The following OR51B5 variants were observed in gnomAD, a reference collection of about 807,000 sequenced individuals.
OR51B5 encodes the protein olfactory receptor family 51 subfamily B member 5, also known as olfactory receptor 51B5.
For synonymous variants in OR51B5, 186 were observed against 144.8 expected (o/e 1.28, Z -2.04); for missense variants, 456 against 374.6 (o/e 1.22, Z -1.79).
chr11:5,505,409 C>T (rs1298966920), intron 1 of OR51B5: 1 of 1,304,174 alleles, frequency 7.7e-7, no homozygotes. Flanking sequence ...CCTAGCACCA[C>T]CATAAACAAT....
rs952985027 is a variant in OR51B5 at position 5,379,483 on chromosome 11, A to T, written n.85-32573T>A. Among the ~76,000 whole-genome samples, 337 of 151,852 alleles carry T rather than the reference A, an allele frequency of 2.2e-3. 1 individual carries two copies. Among genetic ancestry groups the T allele is most frequent in the Non-Finnish European group, 2.6e-4 (18 of 67,958 alleles). On this transcript the variant is annotated intron_variant and non_coding_transcript_variant, in intron 1 of 4. Coordinates refer to the OR51B5 transcript ENST00000415970. ...AATAATAATAATAAATAAAATAAAT[A>T]AAAAAATAAAAAATAAAGTTCCAGT...
At chr11:5,341,512 T>TTAAAG (rs1470677149), downstream of OR51B5, 1 of 152,212 alleles carries the variant, frequency 6.6e-6, no homozygotes, top group Non-Finnish European at 1.5e-5. Context: ...TTTGCTCTGA[T>TTAAAG]TAAAGTATAA....
At chr11:5,393,533 C>T (rs998396674) in intron 1 of OR51B5, among the ~76,000 whole-genome samples, 10 of 151,902 alleles carry the variant, frequency 6.6e-5, no homozygotes, top group Non-Finnish European at 7.4e-5. Context: ...GAAGACATTT[C>T]GGTTTTATAA....
At chr11:5,367,259 G>T (rs972919678) in intron 1 of OR51B5, among the ~76,000 whole-genome samples, 1 of 152,156 alleles carries the variant, frequency 6.6e-6, no homozygotes, top group South Asian at 2.1e-4. Flanking sequence ...CCTAAGAGAG[G>T]GTTCTTGGAT....
chr11:5,417,087 T>C (rs1018003680), intron 1 of OR51B5, among the ~76,000 whole-genome samples: 5 of 151,476 alleles, frequency 3.3e-5, no homozygotes, highest in African/African-American at 7.3e-5. Flanking sequence ...GAGATATAGA[T>C]CAATGGAACA....
intron 1 of OR51B5, among the ~76,000 whole-genome samples, chr11:5,465,205 CAAA>C (rs34459420): frequency 1.3e-4 from 6 of 45,414 alleles, no homozygotes; most frequent in South Asian, 1.6e-3. Flanking sequence ...GACTCCGTCT[CAAA>C]AAAAAAAAAA....
In OR51B5 at chr11:5,440,902, T is replaced by C; in HGVS notation, n.84+64667A>G. On this transcript the variant is annotated intron_variant and non_coding_transcript_variant, in intron 1 of 4. Transcript: ENST00000415970. ...GAGTCCATACCATAGGTAAAAATGA[T>C]CACCAAGAGCCCATAAATGTTGTTA... 1 of 1,613,722 alleles carries C rather than the reference T, an allele frequency of 6.2e-7. No individual in the cohort carries two copies. The highest frequency in any genetic ancestry group is 1.1e-5 in the South Asian group (1 of 91,044).
chr11:5,366,385 T>C (rs1252129352), intron 1 of OR51B5, among the ~76,000 whole-genome samples: 1 of 151,982 alleles, frequency 6.6e-6, no homozygotes, highest in Non-Finnish European at 1.5e-5. Context: ...GGCAGGAGGA[T>C]CACCTGAGGG....
chr11:5,376,552 T>C (rs578113800), intron 1 of OR51B5, among the ~76,000 whole-genome samples: 2 of 151,844 alleles, frequency 1.3e-5, no homozygotes, highest in Non-Finnish European at 2.9e-5. Flanking sequence ...TCAACAAAAC[T>C]GATAGACCGC....
At chr11:5,441,177 T>A (rs766969914) in intron 1 of OR51B5, 3 of 1,613,800 alleles carry the variant, frequency 1.9e-6, no homozygotes, top group East Asian at 4.5e-5. Context: ...TATGCCTGAC[T>A]CCATGAAGGA....
At position 5,390,210 on chromosome 11, in the gene OR51B5, C is replaced by G. The variant is rs779620491; in HGVS notation, n.85-43300G>C. 9 of 1,613,986 alleles carry G rather than the reference C, an allele frequency of 5.6e-6. No homozygotes were observed. Among genetic ancestry groups the G allele is most frequent in the Non-Finnish European group, 7.6e-6 (9 of 1,179,884 alleles). On this transcript the variant is annotated intron_variant and non_coding_transcript_variant, in intron 1 of 4. Transcript: ENST00000415970. Reference sequence around the variant, plus strand: ...TTCTTTGTGCCCATGATGGGGCTGTCCCTGGTGCACCGTTTTGGGAAGCAT... The same window carrying G: ...TTCTTTGTGCCCATGATGGGGCTGTGCCTGGTGCACCGTTTTGGGAAGCAT...
chr11:5,473,213 T>C (rs78189724), intron 1 of OR51B5, among the ~76,000 whole-genome samples: 2,127 of 152,326 alleles, frequency 0.014, 54 homozygotes, highest in African/African-American at 0.049. Context: ...ATTTTTTATA[T>C]GCCAGAAAAA....
At chr11:5,444,813 C>T (rs2133233) in intron 1 of OR51B5, among the ~76,000 whole-genome samples, 4,454 of 152,152 alleles carry the variant, frequency 0.029, 174 homozygotes, top group African/African-American at 0.096. Context: ...AAGAGAATTG[C>T]TCCCAGGAGA....
intron 1 of OR51B5, among the ~76,000 whole-genome samples, chr11:5,386,496 G>A (rs1393843491): frequency 6.6e-6 from 1 of 152,196 alleles, no homozygotes; most frequent in Non-Finnish European, 1.5e-5. Flanking sequence ...GCTTTTCACA[G>A]CATCTAAATC....
chr11:5,440,422 C>T lies in OR51B5; in HGVS notation n.84+65147G>A, dbSNP rs1256947212. ...CATAAGTATTGAATAAATATGTATG[C>T]CATTTTATAGTCAAATATTATTTTA... On this transcript the variant is annotated intron_variant and non_coding_transcript_variant, in intron 1 of 4. Transcript: ENST00000415970. The T allele has an allele frequency of 1.4e-5, 8 of 589,668 alleles. No individual in the cohort carries two copies. In the South Asian group the frequency reaches 1.4e-4, roughly 10 times the overall value. 36.5% of individuals were successfully genotyped at this position (589,668 alleles called of 1,614,324 possible). A position where few individuals can be genotyped will look rare whatever the true frequency, so the allele number is the denominator to read the frequency against.
At chr11:5,393,977 G>C (rs1321408863) in intron 1 of OR51B5, among the ~76,000 whole-genome samples, 1 of 152,030 alleles carries the variant, frequency 6.6e-6, no homozygotes, top group African/African-American at 2.4e-5. Context: ...CTAACTTTTT[G>C]TTCCCTTTCC....
At chr11:5,493,932 T>C (rs184464661) in intron 1 of OR51B5, among the ~76,000 whole-genome samples, 107 of 152,322 alleles carry the variant, frequency 7.0e-4, no homozygotes, top group South Asian at 1.2e-3. Context: ...TATTTTTACA[T>C]TGTAATTTGT....
intron 1 of OR51B5, among the ~76,000 whole-genome samples, chr11:5,420,391 G>C (rs1424868772): frequency 6.6e-6 from 1 of 152,002 alleles, no homozygotes; most frequent in Non-Finnish European, 1.5e-5. Context: ...GGATGCAGTT[G>C]AACATTGTTT....
chr11:5,424,869 C>G (rs2133763602), intron 1 of OR51B5, among the ~76,000 whole-genome samples: 1 of 103,936 alleles, frequency 9.6e-6, no homozygotes, highest in African/African-American at 3.4e-5. Context: ...ATAGTCCCAG[C>G]TACTCAGGAG....
Sources: gnomAD v4.1 joint callset for allele counts (sites outside exome capture counted in the v4.1 genomes callset) on GRCh38, gnomAD v4.1.1 for gene constraint, MANE v1.5 for transcripts, NCBI Gene and HGNC (gene_info 2026-07-23, HGNC 2026-07-21) for gene names.